Variants in VCAN observed in about 807,000 individuals in gnomAD.
The protein encoded by VCAN is versican, also known as versican core protein.
A neutral mutation model predicts 245.5 loss-of-function variants in VCAN; 44 were observed. The observed-to-expected ratio is 0.18, with a 90% CI of 0.14 to 0.23. The LOEUF (loss-of-function observed/expected upper bound fraction) is 0.23. VCAN is among the 10% of genes least tolerant of loss of function. VCAN has a pLI of 1.00. For synonymous variants in VCAN, 1,413 were observed against 1,437.0 expected (o/e 0.98, Z 0.38); for missense variants, 3,793 against 4,057.9 (o/e 0.93, Z 1.77).
chr5:83,538,341 A>T lies in VCAN; in HGVS notation c.5338A>T (p.Thr1780Ser). The T allele has an allele frequency of 1.2e-6, 2 of 1,614,060 alleles. No individual in the cohort carries two copies. Among genetic ancestry groups the T allele is most frequent in the Non-Finnish European group, 1.7e-6 (2 of 1,179,964 alleles). Reference protein sequence around the residue: ...RKSFMSLTTPTQSEREMTDST... With the variant: ...RKSFMSLTTPSQSEREMTDST... ...AAGTTTTATGTCCTTGACAACACCA[A>T]CACAGTCTGAAAGGGAAATGACAGA... The change falls in exon 8 of 15, where the codon ACA becomes TCA. Residue 1780 changes from threonine (T) to serine (S), a missense_variant. Thr to Ser is a moderately conservative substitution (Grantham distance 58). Around this residue, in one of 5 missense-constraint regions of VCAN, gnomAD observed 3,182 missense variants for 3,250.3 expected, o/e 0.98. Transcript: ENST00000265077.
At chr5:83,513,589 G>T (rs1049457660) in intron 6 of VCAN, among the ~76,000 whole-genome samples, 10 of 152,196 alleles carry the variant, frequency 6.6e-5, no homozygotes, top group Non-Finnish European at 1.2e-4. Context: ...CATGTGTTCT[G>T]TATTAGCTTG....
intron 2 of VCAN, among the ~76,000 whole-genome samples, chr5:83,485,848 C>T (rs991977331): frequency 2.6e-5 from 4 of 152,100 alleles, no homozygotes; most frequent in African/African-American, 9.7e-5. Context: ...GCCTGTAATC[C>T]CAGGACTTTG....
In VCAN at chr5:83,471,931, G is replaced by T. The variant is rs1173371577; in HGVS notation, c.-99G>T. The T allele has an allele frequency of 1.0e-5, 4 of 392,838 alleles. No homozygotes were observed. In the South Asian group the frequency reaches 4.3e-4, roughly 42 times the overall value. The allele number at this position is 392,838 out of a possible 1,614,324, so 24.3% of individuals were successfully genotyped here. A position where few individuals can be genotyped will look rare whatever the true frequency, so the allele number is the denominator to read the frequency against. On this transcript the variant is annotated 5_prime_UTR_variant, in exon 1 of 15. Coordinates refer to ENST00000265077, the MANE Select transcript of VCAN (RefSeq NM_004385.5). Reference sequence around the variant, plus strand: ...TCCGCATCCTTCCCCGGGCCACCACGCTTCCTATGTGACCCGCCTGGGCAA... The same window carrying T: ...TCCGCATCCTTCCCCGGGCCACCACTCTTCCTATGTGACCCGCCTGGGCAA...
In VCAN at chr5:83,548,089, G is replaced by A. The variant is rs779261955; in HGVS notation, c.9493+5G>A. On this transcript the variant is annotated splice_donor_5th_base_variant and intron_variant, in intron 10 of 14. Transcript: ENST00000265077. Reference sequence around the variant, plus strand: ...TTGGTGCACTTTGTGAGCAAGGTAAGAGCTATTGCAACATTTGTATGATGA... The same window carrying A: ...TTGGTGCACTTTGTGAGCAAGGTAAAAGCTATTGCAACATTTGTATGATGA... The A allele has an allele frequency of 1.3e-5, 21 of 1,606,578 alleles. No homozygotes were observed. In the Admixed American group the frequency reaches 3.2e-4, roughly 24 times the overall value.
At chr5:83,516,505 C>T (rs1204755797) in intron 6 of VCAN, among the ~76,000 whole-genome samples, 1 of 152,230 alleles carries the variant, frequency 6.6e-6, no homozygotes, top group Non-Finnish European at 1.5e-5. Context: ...AAATCTGTCT[C>T]ATGTCTCGCA....
chr5:83,562,595 A>G (rs1747907966), intron 12 of VCAN, among the ~76,000 whole-genome samples: 1 of 152,154 alleles, frequency 6.6e-6, no homozygotes, highest in Non-Finnish European at 1.5e-5. Context: ...CAACTTTAAA[A>G]TCTCATGCAG....
rs374891010 is a variant in VCAN, at chr5:83,521,505, G to C, written c.3199G>C (p.Glu1067Gln). ...KEAVTPLDEQ[E>Q]GDGSAYTVSE... ...GGCAGTAACACCACTGGATGAACAA[G>C]AGGGCGATGGATCAGCATATACAGT... The change falls in exon 7 of 15, where the codon GAG (glutamate) becomes CAG (glutamine). Residue 1067 changes from glutamate to glutamine, a missense_variant. Around this residue, in one of 5 missense-constraint regions of VCAN, gnomAD observed 3,182 missense variants for 3,250.3 expected, o/e 0.98. Coordinates refer to ENST00000265077, the MANE Select transcript of VCAN (RefSeq NM_004385.5). 9.3e-5 allele frequency: 150 copies of C among 1,613,966 alleles called. No individual in the cohort carries two copies. Among genetic ancestry groups the C allele is most frequent in the Non-Finnish European group, 1.2e-4 (137 of 1,180,018 alleles).
chr5:83,539,946 G>A lies in VCAN; in HGVS notation c.6943G>A (p.Val2315Ile), dbSNP rs3734094. Reference protein sequence around the residue: ...ENVAKEVGPLVSQTDIFEGSG... With the variant: ...ENVAKEVGPLISQTDIFEGSG... ...TGTGGCAAAAGAAGTTGGACCACTC[G>A]TATCTCAAACAGACATCTTTGAAGG... The change falls in exon 8 of 15, where the codon GTA (valine) becomes ATA (isoleucine). Residue 2315 changes from valine to isoleucine, a missense_variant. By Grantham distance (29) the Val-to-Ile change is conservative (BLOSUM62 3). Transcript: ENST00000265077. The A allele has an allele frequency of 9.3e-6, 15 of 1,613,966 alleles. No homozygotes were observed. The highest frequency in any genetic ancestry group is 1.6e-4 in the Middle Eastern group (1 of 6,084).
At chr5:83,549,391 G>A (rs1040132273) in intron 10 of VCAN, among the ~76,000 whole-genome samples, 2 of 152,128 alleles carry the variant, frequency 1.3e-5, no homozygotes, top group African/African-American at 4.8e-5. Context: ...GGTTGGCATA[G>A]CATTTCTATG....
intron 13 of VCAN, among the ~76,000 whole-genome samples, chr5:83,574,376 A>G (rs1243334557): frequency 3.3e-5 from 5 of 152,174 alleles, no homozygotes; most frequent in Non-Finnish European, 7.4e-5. Context: ...TGGCACCCAT[A>G]TGCATGTTTT....
chr5:83,551,362 A>C (rs1057118391), intron 10 of VCAN, among the ~76,000 whole-genome samples: 1 of 151,996 alleles, frequency 6.6e-6, no homozygotes, highest in Non-Finnish European at 1.5e-5. Context: ...AAATACAAAA[A>C]TTAGCCAGGC....
At chr5:83,565,173 T>G (rs887419013) in intron 12 of VCAN, among the ~76,000 whole-genome samples, 1 of 152,172 alleles carries the variant, frequency 6.6e-6, no homozygotes, top group Admixed American at 6.5e-5. Context: ...GGCTAGTGTG[T>G]AAAAACTCTC....
Position 83,553,444 on chromosome 5 carries a change from G to T in VCAN, c.9574G>T (p.Ala3192Ser). Residue 3192 changes from alanine (A) to serine (S), a missense_variant, in exon 11 of 15, where the codon GCA (alanine) becomes TCA (serine). Physicochemically the swap from Ala to Ser is moderately conservative, Grantham distance 99 (BLOSUM62 1). Transcript: ENST00000265077. ...CTTTGCCCATCGACGCACATGGGAT[G>T]CAGCTGAACGGGAATGCCGTCTGCA... Reference protein sequence around the residue: ...KYFAHRRTWDAAERECRLQGA... With the variant: ...KYFAHRRTWDSAERECRLQGA... 6.2e-7 allele frequency: 1 copy of T among 1,614,092 alleles called. No homozygotes were observed. The highest frequency in any genetic ancestry group is 8.5e-7 in the Non-Finnish European group (1 of 1,179,988).
intron 5 of VCAN, among the ~76,000 whole-genome samples, chr5:83,505,023 C>T (rs1745441263): frequency 6.6e-6 from 1 of 152,070 alleles, no homozygotes; most frequent in African/African-American, 2.4e-5. Flanking sequence ...ATGGGGAAGA[C>T]CAACCCCCAT....
rs907312685 is a variant in VCAN, at chr5:83,524,542, A to G, written c.4003+2233A>G. ...TTCCTACCTACCTACCTGCGTACCT[A>G]CCTACCTACCTACCTACCTACCTAC... On this transcript the variant is annotated intron_variant, in intron 7 of 14. Coordinates refer to ENST00000265077, the MANE Select transcript of VCAN (RefSeq NM_004385.5). Among the ~76,000 whole-genome samples the G allele has an allele frequency of 0.019, 1,199 of 63,888 alleles. 12 individuals carry two copies. The East Asian group carries it at 0.36, about 19-fold the overall frequency. 41.9% of individuals were successfully genotyped at this position (63,888 alleles called of 152,430 possible).
intron 1 of VCAN, among the ~76,000 whole-genome samples, chr5:83,477,453 A>T (rs898674122): frequency 6.6e-6 from 1 of 152,206 alleles, no homozygotes; most frequent in Non-Finnish European, 1.5e-5. Context: ...ATGCAAAATA[A>T]GAATCAGTCT....
Position 83,537,153 on chromosome 5 carries a change from T to A in VCAN, c.4150T>A (p.Tyr1384Asn). 6.2e-7 allele frequency: 1 copy of A among 1,613,844 alleles called. No homozygotes were observed. Among genetic ancestry groups the A allele is most frequent in the Non-Finnish European group, 8.5e-7 (1 of 1,179,886 alleles). Reference sequence around the variant, plus strand: ...CCCTGACATAATTGAAATAGACCTATACCACAGTGAAGAAAATGAAGAAGA... The same window carrying A: ...CCCTGACATAATTGAAATAGACCTAAACCACAGTGAAGAAAATGAAGAAGA... ...EFPDIIEIDLYHSEENEEEEE... is the reference protein window; with the variant it reads ...EFPDIIEIDLNHSEENEEEEE... Residue 1384 changes from tyrosine (Y) to asparagine (N), a missense_variant, in exon 8 of 15, where the codon TAC becomes AAC. By Grantham distance (143) the Tyr-to-Asn change is moderately radical. Around this residue, in one of 5 missense-constraint regions of VCAN, gnomAD observed 3,182 missense variants for 3,250.3 expected, o/e 0.98. Coordinates refer to ENST00000265077, the MANE Select transcript of VCAN (RefSeq NM_004385.5).
At chr5:83,569,632 C>A (rs1224754804) in intron 12 of VCAN, among the ~76,000 whole-genome samples, 1 of 151,872 alleles carries the variant, frequency 6.6e-6, no homozygotes, top group Non-Finnish European at 1.5e-5. Context: ...TAGGTAGGGA[C>A]AAAAAATGAG....
intron 7 of VCAN, among the ~76,000 whole-genome samples, chr5:83,527,975 C>G (rs1404827890): frequency 1.3e-5 from 2 of 152,178 alleles, no homozygotes; most frequent in African/African-American, 4.8e-5. Flanking sequence ...TCGAGAGAGA[C>G]CCATACACCA....
Sources: allele counts gnomAD v4.1 joint callset (sites outside exome capture counted in the v4.1 genomes callset), GRCh38; gene constraint gnomAD v4.1.1; regional missense constraint gnomAD v4.1.1; transcripts MANE v1.5; gene names NCBI Gene and HGNC (gene_info 2026-07-23, HGNC 2026-07-21).